Variants in BBOX1 observed in about 807,000 individuals in gnomAD.
The protein encoded by BBOX1 is gamma-butyrobetaine dioxygenase.
A neutral mutation model predicts 41.6 loss-of-function variants in BBOX1; 35 were observed. That is an observed-to-expected ratio of 0.84 (90% CI 0.64 to 1.11). The LOEUF (loss-of-function observed/expected upper bound fraction) is 1.11. BBOX1 is among the 50% of genes most tolerant of loss of function. The pLI, the probability that BBOX1 is intolerant of heterozygous loss-of-function variation, is 0.00. For synonymous variants in BBOX1, 163 were observed against 154.7 expected, an observed-to-expected ratio of 1.05 and a Z score of -0.40; for missense variants, 458 against 460.6, an observed-to-expected ratio of 0.99 and a Z score of 0.05.
chr11:27,114,014 C>G (rs1230455090), intron 5 of BBOX1, among the ~76,000 whole-genome samples: 1 of 151,598 alleles, frequency 6.6e-6, no homozygotes, highest in African/African-American at 2.4e-5. Context: ...CCCATAAAAT[C>G]CACCCAAAAA....
chr11:27,110,126 T>A (rs537962412), intron 5 of BBOX1, among the ~76,000 whole-genome samples: 97 of 152,008 alleles, frequency 6.4e-4, no homozygotes, highest in African/African-American at 2.3e-3. Flanking sequence ...CTGATAACTC[T>A]ACCTTTCAAG....
At chr11:27,086,389 A>T (rs552432294) in intron 4 of BBOX1, among the ~76,000 whole-genome samples, 1 of 152,254 alleles carries the variant, frequency 6.6e-6, no homozygotes, top group East Asian at 1.9e-4. Flanking sequence ...TTCTAGGACC[A>T]TTAAGAATTA....
rs369036091 is a variant in BBOX1, at chr11:27,093,293, G to A, written c.460G>A (p.Gly154Arg). Reference protein sequence around the residue: ...LKKVGIVRLTGASDKPGEVSK... With the variant: ...LKKVGIVRLTRASDKPGEVSK... The stretch of plus-strand genomic sequence containing the variant: ...GAAAGTAGGCATAGTAAGACTCACC[G>A]GAGCATCTGACAAACCAGGAGAAGT... Residue 154 changes from glycine to arginine, a missense_variant, in exon 5 of 9, where the codon GGA (glycine) becomes AGA (arginine). Coordinates refer to ENST00000263182, the MANE Select transcript of BBOX1 (RefSeq NM_003986.3). 3.2e-5 allele frequency: 51 copies of A among 1,612,356 alleles called. No homozygotes were observed. The highest frequency in any genetic ancestry group is 2.8e-4 in the African/African-American group (21 of 74,776).
intron 6 of BBOX1, 135 bp from the exon 7 acceptor site, chr11:27,119,514 T>C (rs1859388483): frequency 1.9e-6 from 1 of 521,014 alleles, no homozygotes; most frequent in African/African-American, 2.0e-5. Context: ...TCATAGCTTT[T>C]TGAATCTTTA....
At chr11:27,086,076 A>G (rs73430402) in intron 4 of BBOX1, among the ~76,000 whole-genome samples, 9,162 of 152,190 alleles carry the variant, frequency 0.06, 918 homozygotes, top group African/African-American at 0.21. Context: ...GGTTTAAGGA[A>G]AGAAGTTTTC....
chr11:27,080,528 G>A (rs1422164674), intron 4 of BBOX1, among the ~76,000 whole-genome samples: 3 of 152,220 alleles, frequency 2.0e-5, no homozygotes, highest in East Asian at 1.9e-4. Flanking sequence ...GGAACCAGTG[G>A]TGAACAAAAT....
intron 4 of BBOX1, among the ~76,000 whole-genome samples, chr11:27,092,014 G>C (rs1186814148): frequency 6.6e-6 from 1 of 151,828 alleles, no homozygotes; most frequent in African/African-American, 2.4e-5. Flanking sequence ...GCAACTAGCT[G>C]GTGGAAGAGC....
chr11:27,057,976 G>A (rs766506225), intron 4 of BBOX1, among the ~76,000 whole-genome samples: 1 of 152,084 alleles, frequency 6.6e-6, no homozygotes, highest in Non-Finnish European at 1.5e-5. Flanking sequence ...CTTAAAACAG[G>A]TGGAAATATT....
chr11:27,057,401 C>A (rs1857018207), intron 4 of BBOX1, 86 bp downstream of exon 4: 5 of 1,068,372 alleles, frequency 4.7e-6, no homozygotes, highest in African/African-American at 3.2e-5. Context: ...AAAATTCAAA[C>A]CTTTGTGCTT....
intron 4 of BBOX1, among the ~76,000 whole-genome samples, chr11:27,069,706 T>C (rs1414856793): frequency 6.6e-6 from 1 of 152,112 alleles, no homozygotes; most frequent in Non-Finnish European, 1.5e-5. Context: ...TTTTTGCTTT[T>C]AACTTTTAAG....
intron 4 of BBOX1, among the ~76,000 whole-genome samples, chr11:27,062,574 T>A (rs1274638135): frequency 6.6e-6 from 1 of 152,058 alleles, no homozygotes; most frequent in African/African-American, 2.4e-5. Context: ...TTTCTTTTTT[T>A]TTTGAGACGG....
At chr11:27,086,848 T>C (rs2134028008) in intron 4 of BBOX1, among the ~76,000 whole-genome samples, 1 of 152,208 alleles carries the variant, frequency 6.6e-6, no homozygotes, top group Non-Finnish European at 1.5e-5. Context: ...AATACTAACA[T>C]TAACAGGAGT....
chr11:27,045,563 G>C (rs571504603), intron 2 of BBOX1, among the ~76,000 whole-genome samples: 19 of 152,108 alleles, frequency 1.2e-4, no homozygotes, highest in African/African-American at 4.6e-4. Context: ...ATTGGCTGTG[G>C]GTTTGTCATA....
rs138435459 is a variant in BBOX1, at chr11:27,053,454, A to G, written c.-38-1939A>G. Among the ~76,000 whole-genome samples the G allele has an allele frequency of 6.3e-3, 954 of 152,364 alleles. 13 individuals are homozygous for G. Among genetic ancestry groups the G allele is most frequent in the African/African-American group, 0.022 (900 of 41,590 alleles). On this transcript the variant is annotated intron_variant, in intron 2 of 8. Coordinates refer to ENST00000263182, the MANE Select transcript of BBOX1 (RefSeq NM_003986.3). Reference sequence around the variant, plus strand: ...GGTTTTAAAAAATAAAAACAGGAATATGTAGCAGGGACTGTATATAAACTG... The same window carrying G: ...GGTTTTAAAAAATAAAAACAGGAATGTGTAGCAGGGACTGTATATAAACTG...
intron 4 of BBOX1, among the ~76,000 whole-genome samples, chr11:27,066,209 T>C (rs1857274201): frequency 6.6e-6 from 1 of 152,140 alleles, no homozygotes; most frequent in Non-Finnish European, 1.5e-5. Flanking sequence ...TTTTTGTGTG[T>C]GTGGTTTTTT....
intron 2 of BBOX1, among the ~76,000 whole-genome samples, chr11:27,049,033 T>G (rs1399615488): frequency 6.6e-6 from 1 of 151,682 alleles, no homozygotes; most frequent in Non-Finnish European, 1.5e-5. Context: ...TTACTGAGAA[T>G]GATGATTTCC....
At chr11:27,079,344 C>T (rs2134012003) in intron 4 of BBOX1, among the ~76,000 whole-genome samples, 1 of 152,122 alleles carries the variant, frequency 6.6e-6, no homozygotes, top group South Asian at 2.1e-4. Flanking sequence ...CTGGAATGAC[C>T]AGAAAACTTG....
intron 5 of BBOX1, among the ~76,000 whole-genome samples, chr11:27,104,987 G>A (rs565730972): frequency 6.6e-6 from 1 of 152,178 alleles, no homozygotes; most frequent in Non-Finnish European, 1.5e-5. Flanking sequence ...ACAGGGTCTG[G>A]AGTGGACCTC....
chr11:27,117,696 A>G (rs1859317097), intron 6 of BBOX1, among the ~76,000 whole-genome samples: 1 of 152,004 alleles, frequency 6.6e-6, no homozygotes, highest in Admixed American at 6.6e-5. Context: ...TTTGAAGCCT[A>G]AGGAAAAGTG....
Sources: gnomAD v4.1 joint callset for allele counts (sites outside exome capture counted in the v4.1 genomes callset) on GRCh38, gnomAD v4.1.1 for gene constraint, MANE v1.5 for transcripts, NCBI Gene and HGNC (gene_info 2026-07-23, HGNC 2026-07-21) for gene names.